Variants in CPM observed in about 807,000 individuals in gnomAD.
CPM encodes the protein renal carboxypeptidase.
Under a neutral mutation model 46.4 loss-of-function variants are expected in CPM, and 35 were observed. The ratio of observed to expected loss-of-function variants is 0.75; its 90% CI spans 0.58 to 1.00. CPM has a LOEUF of 1.00. CPM is among the 50% of genes least tolerant of loss of function. The pLI, the probability that CPM is intolerant of heterozygous loss-of-function variation, is 0.00. For synonymous variants in CPM, 195 were observed against 195.3 expected, an observed-to-expected ratio of 1.00 and a Z score of 0.01; for missense variants, 422 against 530.4, an observed-to-expected ratio of 0.80 and a Z score of 2.01.
chr12:68,866,853 C>G, intron 7 of CPM, 43 bp downstream of exon 7: 1 of 1,554,888 alleles, frequency 6.4e-7, no homozygotes, highest in South Asian at 1.1e-5. Context: ...GCCAGATGCT[C>G]TATTTTGTAT....
In CPM at chr12:68,875,803, C is replaced by CAA. The variant is rs34998099; in HGVS notation, c.259-3849_259-3848dup. Among the ~76,000 whole-genome samples, 354 of 110,194 alleles carry CAA rather than the reference C, an allele frequency of 3.2e-3. 3 individuals carry two copies. The highest frequency in any genetic ancestry group is 8.8e-3 in the African/African-American group (283 of 32,000). 72.3% of individuals were successfully genotyped at this position (110,194 alleles called of 152,430 possible). On this transcript the variant is annotated intron_variant, in intron 3 of 8. Transcript: ENST00000551568. ...CCTGGGCAACAGCGAGACTCTGTCT[C>CAA]AAAAAAAAAAAAAAAAGAAAGACAA...
upstream of CPM, among the ~76,000 whole-genome samples, chr12:68,937,618 C>T (rs1215509524): frequency 6.6e-6 from 1 of 152,070 alleles, no homozygotes; most frequent in African/African-American, 2.4e-5. Flanking sequence ...ACAAATTGTT[C>T]AGGCAAGAAG....
chr12:68,928,940 T>C (rs1888388225), intron 2 of CPM, among the ~76,000 whole-genome samples: 1 of 149,396 alleles, frequency 6.7e-6, no homozygotes, highest in Admixed American at 6.7e-5. Flanking sequence ...AGAAATGGAG[T>C]CTCCCATGTT....
intron 2 of CPM, among the ~76,000 whole-genome samples, chr12:68,918,787 G>T (rs1159283691): frequency 2.0e-5 from 3 of 152,150 alleles, no homozygotes; most frequent in African/African-American, 7.2e-5. Context: ...ACTGTAACTG[G>T]ATTAGTCTCC....
At position 68,858,819 on chromosome 12, in the gene CPM, A is replaced by T. The variant is rs933032617; in HGVS notation, c.1089+104T>A. 25 of 612,204 alleles carry T rather than the reference A, an allele frequency of 4.1e-5. No homozygotes were observed. In the South Asian group the frequency reaches 5.0e-4, roughly 12 times the overall value. 37.9% of individuals were successfully genotyped at this position (612,204 alleles called of 1,614,324 possible). A position where few individuals can be genotyped will look rare whatever the true frequency, so the allele number is the denominator to read the frequency against. On this transcript the variant is annotated intron_variant, in intron 8 of 8. Coordinates refer to ENST00000551568, the MANE Select transcript of CPM (RefSeq NM_198320.5). The stretch of plus-strand genomic sequence containing the variant: ...CTATCCTTTCTTTCTGTCTCGATGG[A>T]TCTACTTTTGAACTTCCTAGACTTA...
chr12:68,914,738 T>C (rs1236449717), intron 2 of CPM, among the ~76,000 whole-genome samples: 1 of 152,100 alleles, frequency 6.6e-6, no homozygotes, highest in African/African-American at 2.4e-5. Context: ...CCTCACCTAT[T>C]GAAGTGGCCT....
chr12:68,919,071 C>T (rs1887930495), intron 2 of CPM, among the ~76,000 whole-genome samples: 1 of 152,218 alleles, frequency 6.6e-6, no homozygotes, highest in Non-Finnish European at 1.5e-5. Flanking sequence ...CACCTCGAGG[C>T]CTTTGCACAT....
chr12:68,950,557 C>T (rs529977315), intron 1 of CPM, among the ~76,000 whole-genome samples: 63 of 152,218 alleles, frequency 4.1e-4, no homozygotes, highest in African/African-American at 1.4e-3. Flanking sequence ...GAGTTAAGTG[C>T]CTATTCTTTT....
chr12:68,955,172 C>T (rs921813697), intron 1 of CPM, among the ~76,000 whole-genome samples: 1 of 152,192 alleles, frequency 6.6e-6, no homozygotes, highest in African/African-American at 2.4e-5. Flanking sequence ...CCGAGTAAAA[C>T]TCAGGCAAAG....
intron 3 of CPM, among the ~76,000 whole-genome samples, chr12:68,882,022 TGC>T: frequency 1.5e-5 from 1 of 65,408 alleles, no homozygotes; most frequent in Non-Finnish European, 3.3e-5. Flanking sequence ...ACGCCCGGCC[TGC>T]TTTTTTTTTT....
chr12:68,908,105 C>T (rs572375699), intron 2 of CPM, among the ~76,000 whole-genome samples: 3 of 152,292 alleles, frequency 2.0e-5, no homozygotes, highest in East Asian at 3.9e-4. Context: ...GGAATACAGG[C>T]GTAAGCCACC....
At chr12:68,866,486 G>A (rs1386559586) in intron 7 of CPM, among the ~76,000 whole-genome samples, 1 of 152,178 alleles carries the variant, frequency 6.6e-6, no homozygotes, top group Non-Finnish European at 1.5e-5. Context: ...TGGGACTACA[G>A]GCGTGTGCCA....
At chr12:68,881,582 T>C (rs903526802) in intron 3 of CPM, among the ~76,000 whole-genome samples, 1 of 152,116 alleles carries the variant, frequency 6.6e-6, no homozygotes, top group African/African-American at 2.4e-5. Context: ...AGCATATCTC[T>C]TTTGGTAAAA....
At chr12:68,929,173 G>T (rs1055785860) in intron 2 of CPM, among the ~76,000 whole-genome samples, 1 of 151,870 alleles carries the variant, frequency 6.6e-6, no homozygotes, top group African/African-American at 2.4e-5. Flanking sequence ...ACTAATTTTG[G>T]GGTGTGTGTG....
upstream of CPM, among the ~76,000 whole-genome samples, chr12:68,934,514 G>C (rs116944505): frequency 3.0e-3 from 461 of 152,274 alleles, 16 homozygotes; most frequent in East Asian, 0.074. Context: ...CTCTGCCCTT[G>C]CGATAGTTTG....
chr12:68,872,573 A>T (rs1189308488), intron 3 of CPM, among the ~76,000 whole-genome samples: 2 of 151,856 alleles, frequency 1.3e-5, no homozygotes, highest in African/African-American at 2.4e-5. Context: ...TTCTTACAAC[A>T]TTTTTCATTT....
At chr12:68,961,279 G>T (rs1592718585) in intron 1 of CPM, among the ~76,000 whole-genome samples, 1 of 152,102 alleles carries the variant, frequency 6.6e-6, no homozygotes. Flanking sequence ...CCAAGTAGCT[G>T]GGACTGCAGG....
chr12:68,935,326 T>A (rs1478451554), upstream of CPM, among the ~76,000 whole-genome samples: 1 of 152,106 alleles, frequency 6.6e-6, no homozygotes, highest in Non-Finnish European at 1.5e-5. Flanking sequence ...AGTGGTGCAA[T>A]CTCAGCTCAC....
chr12:68,931,763 A>AAAAGAAAGAAAGAAAGAAAG (rs1287718409), intron 2 of CPM, among the ~76,000 whole-genome samples: 1 of 132,540 alleles, frequency 7.5e-6, no homozygotes, highest in African/African-American at 3.1e-5. Context: ...AAAAAAAAAA[A>AAAAGAAAGAAAGAAAGAAAG]AAAGAAAGAA....
Sources: gnomAD v4.1 joint callset for allele counts (sites outside exome capture counted in the v4.1 genomes callset) on GRCh38, gnomAD v4.1.1 for gene constraint, MANE v1.5 for transcripts, NCBI Gene and HGNC (gene_info 2026-07-23, HGNC 2026-07-21) for gene names.